COL4A4: variants seen among roughly 807,000 people sequenced by gnomAD.
COL4A4 encodes collagen alpha-4(IV) chain.
Under a neutral mutation model 192.9 loss-of-function variants are expected in COL4A4, and 105 were observed. The ratio of observed to expected loss-of-function variants is 0.54; its 90% CI spans 0.46 to 0.64. The LOEUF is 0.64. Ranked by LOEUF, COL4A4 falls within the 30% of genes least tolerant of loss-of-function variation. COL4A4 has a pLI of 0.00. For synonymous variants in COL4A4, 762 were observed against 769.9 expected (o/e 0.99, Z 0.17); for missense variants, 1,967 against 2,169.3 (o/e 0.91, Z 1.85).
chr2:227,109,361 C>A (rs200853777), intron 9 of COL4A4, 75 bp from the exon 10 acceptor site: 615 of 1,206,066 alleles, frequency 5.1e-4, no homozygotes, highest in Non-Finnish European at 7.3e-4. Flanking sequence ...TGCGTGTGAT[C>A]CCATGTGGAT....
At chr2:227,138,311 C>T (rs539843634) in intron 4 of COL4A4, among the ~76,000 whole-genome samples, 52 of 151,670 alleles carry the variant, frequency 3.4e-4, no homozygotes, top group African/African-American at 1.2e-3. Context: ...GAGTGAGACC[C>T]TGTCTAAAAA....
the COL4A4 span, among the ~76,000 whole-genome samples, chr2:226,989,345 T>C: frequency 6.6e-6 from 1 of 152,204 alleles, no homozygotes; most frequent in Non-Finnish European, 1.5e-5. Context: ...GAAAAATCTA[T>C]AGTTAGAAAT....
intron 1 of COL4A4, among the ~76,000 whole-genome samples, chr2:227,160,547 C>T (rs1452435401): frequency 6.6e-6 from 1 of 152,044 alleles, no homozygotes; most frequent in African/African-American, 2.4e-5. Flanking sequence ...ACAGAGGACC[C>T]CCACCCCATT....
At chr2:227,053,607 G>A (rs1370496901) in intron 31 of COL4A4, among the ~76,000 whole-genome samples, 4 of 142,608 alleles carry the variant, frequency 2.8e-5, no homozygotes, top group Non-Finnish European at 6.0e-5. Context: ...GAGTGCAGTG[G>A]CATGATCTCT....
At position 227,108,564 on chromosome 2, in the gene COL4A4, C is replaced by T; in HGVS notation, c.735+17G>A. On this transcript the variant is annotated intron_variant, in intron 12 of 47. Coordinates refer to ENST00000396625, the MANE Select transcript of COL4A4 (RefSeq NM_000092.5). Reference sequence around the variant, plus strand: ...ACACGTCACCATCTGCTCCTCAGAGCAAGAGGGAATTCTTACCGGGTCTCC... The same window carrying T: ...ACACGTCACCATCTGCTCCTCAGAGTAAGAGGGAATTCTTACCGGGTCTCC... 2 of 1,612,858 alleles carry T rather than the reference C, an allele frequency of 1.2e-6. No homozygotes were observed. The highest frequency in any genetic ancestry group is 1.7e-6 in the Non-Finnish European group (2 of 1,178,852).
chr2:227,056,193 C>G (rs1975306457), intron 29 of COL4A4, 78 bp from the exon 30 acceptor site: 2 of 1,254,668 alleles, frequency 1.6e-6, no homozygotes, highest in African/African-American at 1.5e-5. Flanking sequence ...TATACAGTAG[C>G]TTAAACAATG....
chr2:226,967,857 A>G, the COL4A4 span, among the ~76,000 whole-genome samples: 8 of 152,168 alleles, frequency 5.3e-5, no homozygotes, highest in South Asian at 2.1e-4. Flanking sequence ...GGGCCCAGGA[A>G]TGTTAAATAC....
At chr2:226,991,723 G>T in the COL4A4 span, among the ~76,000 whole-genome samples, 1 of 152,218 alleles carries the variant, frequency 6.6e-6, no homozygotes, top group Non-Finnish European at 1.5e-5. Context: ...CCAAGAGCAA[G>T]AGGGTAGCCT....
intron 37 of COL4A4, among the ~76,000 whole-genome samples, chr2:227,039,906 A>C (rs546172645): frequency 6.6e-6 from 1 of 152,354 alleles, no homozygotes; most frequent in African/African-American, 2.4e-5. Context: ...ATGAAGACGG[A>C]GAACAGTACA....
chr2:227,034,098 G>A (rs1432122870), intron 37 of COL4A4, among the ~76,000 whole-genome samples: 2 of 152,174 alleles, frequency 1.3e-5, no homozygotes, highest in Non-Finnish European at 2.9e-5. Flanking sequence ...TTTATTTTGC[G>A]ATGATCACTG....
intron 41 of COL4A4, among the ~76,000 whole-genome samples, chr2:227,028,847 G>A (rs1039543307): frequency 1.3e-4 from 19 of 151,724 alleles, no homozygotes; most frequent in African/African-American, 4.4e-4. Context: ...TGTAGAGATG[G>A]GGGTCTCACT....
the COL4A4 span, among the ~76,000 whole-genome samples, chr2:226,982,074 TC>T: frequency 2.0e-5 from 3 of 152,096 alleles, no homozygotes; most frequent in Admixed American, 1.3e-4. Flanking sequence ...ATTTTCAACT[TC>T]CCCCCGCCCT....
chr2:226,993,233 A>C, the COL4A4 span, among the ~76,000 whole-genome samples: 1 of 152,246 alleles, frequency 6.6e-6, no homozygotes. Flanking sequence ...AGAAAACACC[A>C]GAGGACTCTG....
the COL4A4 span, chr2:226,968,992 T>C: frequency 5.1e-6 from 1 of 197,896 alleles, no homozygotes; most frequent in Admixed American, 4.7e-5. Context: ...TAACCATCCA[T>C]GTGTCCAAGG....
At chr2:227,068,179 A>G (rs1352515430) in intron 25 of COL4A4, among the ~76,000 whole-genome samples, 1 of 150,598 alleles carries the variant, frequency 6.6e-6, no homozygotes, top group Non-Finnish European at 1.5e-5. Context: ...AAGAAGTTGA[A>G]TCTCTGAATA....
intron 22 of COL4A4, among the ~76,000 whole-genome samples, chr2:227,085,129 C>CA (rs34650479): frequency 0.44 from 62,947 of 143,754 alleles, 13,866 homozygotes; most frequent in South Asian, 0.54. Context: ...GAAATTCCAC[C>CA]AAAAAAAAAA....
At chr2:227,090,707 G>A (rs575581332) in intron 20 of COL4A4, among the ~76,000 whole-genome samples, 17 of 151,848 alleles carry the variant, frequency 1.1e-4, no homozygotes, top group African/African-American at 2.2e-4. Context: ...AGCTGAGATC[G>A]CACCACTGTA....
rs995082623 is a variant in COL4A4 at position 227,098,720 on chromosome 2, A to G, written c.1178T>C (p.Leu393Ser). 1 of 1,614,094 alleles carries G rather than the reference A, an allele frequency of 6.2e-7. No individual in the cohort carries two copies. Among genetic ancestry groups the G allele is most frequent in the Admixed American group, 1.7e-5 (1 of 60,024 alleles). ...TGCACAGGCTTCCCCTGGTCTGCCC[A>G]AGAGACCTGGGGGACCAGGTGGTCC... ...DVGPPGPPGLLGRPGEACAGM... is the reference protein window; with the variant it reads ...DVGPPGPPGLSGRPGEACAGM... The change falls in exon 19 of 48, where the codon TTG (leucine) becomes TCG (serine). Residue 393 changes from leucine to serine, a missense_variant. By Grantham distance (145) the Leu-to-Ser change is moderately radical. Transcript: ENST00000396625.
In COL4A4 at chr2:227,031,069, G is replaced by GGATGGATGGATGGATGGATA. The variant is rs1443575965; in HGVS notation, c.3818-472_3818-471insTATCCATCCATCCATCCATC. Among the ~76,000 whole-genome samples, 280 of 151,978 alleles carry GGATGGATGGATGGATGGATA rather than the reference G, an allele frequency of 1.8e-3. 1 individual carries two copies. Among genetic ancestry groups the GGATGGATGGATGGATGGATA allele is most frequent in the African/African-American group, 6.2e-3 (256 of 41,416 alleles). On this transcript the variant is annotated intron_variant, in intron 40 of 47. Transcript: ENST00000396625. The stretch of plus-strand genomic sequence containing the variant: ...TGGATGGATGGATGGATGGATGGAT[G>GGATGGATGGATGGATGGATA]GATAGACTGATGGACAGATAGACAG...
Sources: allele counts gnomAD v4.1 joint callset (sites outside exome capture counted in the v4.1 genomes callset), GRCh38; gene constraint gnomAD v4.1.1; transcripts MANE v1.5; gene names NCBI Gene and HGNC (gene_info 2026-07-23, HGNC 2026-07-21).